SHISA9: variants seen among roughly 807,000 people sequenced by gnomAD.
SHISA9 encodes protein shisa-9.
In SHISA9, 13 loss-of-function variants were observed where a neutral mutation model predicts 38.0. The ratio of observed to expected loss-of-function variants is 0.34; its 90% CI spans 0.22 to 0.54. SHISA9 has a LOEUF of 0.54. SHISA9 is among the 20% of genes least tolerant of loss of function. The probability of loss-of-function intolerance (pLI) is 0.91; values close to 1 mark genes in which losing one functional copy is unlikely to be tolerated. For synonymous variants in SHISA9, 275 were observed against 242.0 expected (o/e 1.14, Z -1.27); for missense variants, 538 against 575.8 (o/e 0.93, Z 0.67).
intron 2 of SHISA9, among the ~76,000 whole-genome samples, chr16:13,015,478 C>T (rs533009997): frequency 6.6e-6 from 1 of 152,244 alleles, no homozygotes; most frequent in Non-Finnish European, 1.5e-5. Flanking sequence ...GGACTCCAGT[C>T]GGCATCTCCA....
chr16:12,978,223 C>T (rs2072191255), intron 2 of SHISA9, among the ~76,000 whole-genome samples: 1 of 152,122 alleles, frequency 6.6e-6, no homozygotes, highest in Non-Finnish European at 1.5e-5. Context: ...AAAATGGCAC[C>T]ACTGACATGG....
chr16:13,356,829 C>T, the SHISA9 span, among the ~76,000 whole-genome samples: 12 of 152,132 alleles, frequency 7.9e-5, no homozygotes, highest in East Asian at 1.7e-3. Flanking sequence ...GCCTATTTTA[C>T]GACAAGAATT....
the SHISA9 span, among the ~76,000 whole-genome samples, chr16:13,518,031 C>G: frequency 1.3e-5 from 2 of 152,248 alleles, no homozygotes; most frequent in East Asian, 3.9e-4. Context: ...AGGAGGAAGC[C>G]AGTCTGGTGA....
intron 2 of SHISA9, among the ~76,000 whole-genome samples, chr16:13,107,157 C>G (rs8062093): frequency 0.018 from 2,743 of 152,054 alleles, 71 homozygotes; most frequent in African/African-American, 0.061. Flanking sequence ...GTTGGGCTGG[C>G]TGTGGTGGCT....
At chr16:13,000,037 G>A (rs1272099979) in intron 2 of SHISA9, among the ~76,000 whole-genome samples, 1 of 152,160 alleles carries the variant, frequency 6.6e-6, no homozygotes, top group Non-Finnish European at 1.5e-5. Flanking sequence ...ATAACAATTT[G>A]ACTCCCTTAT....
chr16:13,028,413 A>T (rs2072951323), intron 2 of SHISA9, among the ~76,000 whole-genome samples: 1 of 152,144 alleles, frequency 6.6e-6, no homozygotes. Flanking sequence ...TCACAGTTCC[A>T]CATGGCTGGG....
chr16:13,131,284 T>G (rs1175197610), intron 2 of SHISA9, among the ~76,000 whole-genome samples: 2 of 152,146 alleles, frequency 1.3e-5, no homozygotes, highest in South Asian at 4.1e-4. Flanking sequence ...TGTGCAGCCA[T>G]AGAAAGGAAC....
At chr16:13,463,154 T>A in the SHISA9 span, among the ~76,000 whole-genome samples, 1 of 152,102 alleles carries the variant, frequency 6.6e-6, no homozygotes, top group South Asian at 2.1e-4. Flanking sequence ...AGTGAGACCC[T>A]GTCTCAAAAA....
chr16:13,286,645 A>G, the SHISA9 span, among the ~76,000 whole-genome samples: 1 of 152,202 alleles, frequency 6.6e-6, no homozygotes, highest in Non-Finnish European at 1.5e-5. Context: ...GAGAGCTTTG[A>G]TGTGTGTTTG....
chr16:13,303,109 C>A, the SHISA9 span, among the ~76,000 whole-genome samples: 13 of 151,890 alleles, frequency 8.6e-5, no homozygotes, highest in African/African-American at 3.1e-4. Flanking sequence ...TGTTTTTTGC[C>A]CAAGAAGCCT....
intron 2 of SHISA9, among the ~76,000 whole-genome samples, chr16:13,104,639 A>T (rs769360759): frequency 1.8e-4 from 27 of 152,210 alleles, no homozygotes; most frequent in Non-Finnish European, 3.4e-4. Context: ...AATTGTCCAG[A>T]AATGGCAAAT....
intron 2 of SHISA9, among the ~76,000 whole-genome samples, chr16:13,161,698 C>G (rs1453126366): frequency 6.6e-6 from 1 of 152,096 alleles, no homozygotes; most frequent in Non-Finnish European, 1.5e-5. Flanking sequence ...CTTCCAGCCT[C>G]TTTTATAGGC....
chr16:13,296,789 G>A, the SHISA9 span, among the ~76,000 whole-genome samples: 425 of 150,496 alleles, frequency 2.8e-3, 1 homozygote, highest in African/African-American at 9.8e-3. Context: ...TACTTGGGAG[G>A]CTGAGGCAGG....
chr16:13,226,361 T>G (rs1371481106), intron 4 of SHISA9, among the ~76,000 whole-genome samples: 2 of 152,248 alleles, frequency 1.3e-5, no homozygotes, highest in Non-Finnish European at 2.9e-5. Context: ...GCCTACACTG[T>G]GCTTCTCTAA....
At chr16:13,243,438 C>G (rs906765608), downstream of SHISA9, among the ~76,000 whole-genome samples, 1 of 151,976 alleles carries the variant, frequency 6.6e-6, no homozygotes, top group African/African-American at 2.4e-5. Context: ...CAGGACAACT[C>G]AAAGTGGGGG....
chr16:13,045,090 A>T (rs2141892365), intron 2 of SHISA9, among the ~76,000 whole-genome samples: 1 of 152,282 alleles, frequency 6.6e-6, no homozygotes, highest in Middle Eastern at 3.4e-3. Flanking sequence ...CATTTACCTC[A>T]TAGTGTAGTT....
At chr16:13,012,028 G>C (rs2141853311) in intron 2 of SHISA9, among the ~76,000 whole-genome samples, 1 of 152,064 alleles carries the variant, frequency 6.6e-6, no homozygotes, top group African/African-American at 2.4e-5. Context: ...GTTTTGCCAT[G>C]TTGGCCAGGC....
At chr16:13,303,021 A>C in the SHISA9 span, among the ~76,000 whole-genome samples, 8 of 152,310 alleles carry the variant, frequency 5.3e-5, no homozygotes, top group East Asian at 1.5e-3. Context: ...TTCCTTTATA[A>C]ATTACCCAGT....
chr16:13,305,395 T>C, the SHISA9 span, among the ~76,000 whole-genome samples: 2 of 152,224 alleles, frequency 1.3e-5, no homozygotes, highest in Non-Finnish European at 2.9e-5. Flanking sequence ...TGTAATCACT[T>C]CCTTGGGCTA....
Sources: gnomAD v4.1 joint callset for allele counts (sites outside exome capture counted in the v4.1 genomes callset) on GRCh38, gnomAD v4.1.1 for gene constraint, MANE v1.5 for transcripts, NCBI Gene and HGNC (gene_info 2026-07-23, HGNC 2026-07-21) for gene names.